The following GALNT13 variants were observed in gnomAD, a reference collection of about 807,000 sequenced individuals.
GALNT13 encodes UDP-GalNAc:polypeptide N-acetylgalactosaminyltransferase 13.
GALNT13 carries 28 observed loss-of-function variants against 64.2 expected under a neutral mutation model. That is an observed-to-expected ratio of 0.44 (90% confidence interval 0.32 to 0.60). The LOEUF (loss-of-function observed/expected upper bound fraction) is 0.60. Among genes scored for constraint, GALNT13 ranks in the 20% least tolerant of loss-of-function variants. GALNT13 has a pLI of 0.05. For synonymous variants in GALNT13, 214 were observed against 224.6 expected, an observed-to-expected ratio of 0.95 and a Z score of 0.42; for missense variants, 577 against 669.8, an observed-to-expected ratio of 0.86 and a Z score of 1.53.
chr2:154,147,901 AT>A (rs1430279226), intron 4 of GALNT13, among the ~76,000 whole-genome samples: 1 of 139,156 alleles, frequency 7.2e-6, no homozygotes, highest in African/African-American at 2.7e-5. Flanking sequence ...TTTTGCTGGG[AT>A]TTTGCTTTTA....
At chr2:153,317,200 C>T in the GALNT13 span, among the ~76,000 whole-genome samples, 11,212 of 152,048 alleles carry the variant, frequency 0.074, 475 homozygotes, top group African/African-American at 0.12. Context: ...CTTTTGAGCT[C>T]CTATAGTTTT....
the GALNT13 span, among the ~76,000 whole-genome samples, chr2:153,824,565 G>C: frequency 5.3e-5 from 8 of 152,204 alleles, no homozygotes; most frequent in East Asian, 1.2e-3. Context: ...CTGGTGGATC[G>C]ATAGAGTAAA....
chr2:153,438,414 A>T, the GALNT13 span, among the ~76,000 whole-genome samples: 1 of 152,226 alleles, frequency 6.6e-6, no homozygotes, highest in Admixed American at 6.5e-5. Flanking sequence ...AATATCCTGC[A>T]GAGTGTTTTC....
chr2:154,226,846 CAG>C (rs1688643526), intron 4 of GALNT13, among the ~76,000 whole-genome samples: 2 of 152,052 alleles, frequency 1.3e-5, no homozygotes, highest in Admixed American at 1.3e-4. Context: ...TATTCAATTT[CAG>C]AGTATTATTA....
chr2:153,392,250 T>A, the GALNT13 span, among the ~76,000 whole-genome samples: 1 of 151,740 alleles, frequency 6.6e-6, no homozygotes, highest in South Asian at 2.1e-4. Flanking sequence ...CATTTCTTCC[T>A]TAAGTTTTTT....
chr2:154,094,854 A>C (rs921393395), intron 3 of GALNT13, among the ~76,000 whole-genome samples: 1 of 151,882 alleles, frequency 6.6e-6, no homozygotes, highest in African/African-American at 2.4e-5. Context: ...TAAAGTCCTA[A>C]TTCATGTGTT....
the GALNT13 span, among the ~76,000 whole-genome samples, chr2:153,408,514 T>G: frequency 6.6e-6 from 1 of 152,192 alleles, no homozygotes; most frequent in Admixed American, 6.5e-5. Flanking sequence ...AAAGACTTTC[T>G]TACTTTGGCA....
the GALNT13 span, among the ~76,000 whole-genome samples, chr2:153,546,017 C>T: frequency 2.0e-5 from 3 of 152,260 alleles, no homozygotes; most frequent in African/African-American, 7.2e-5. Flanking sequence ...TCCAAGCTGA[C>T]CTTGGAAGAT....
At chr2:153,929,640 G>T (rs1690373152) in intron 2 of GALNT13, among the ~76,000 whole-genome samples, 1 of 151,996 alleles carries the variant, frequency 6.6e-6, no homozygotes, top group African/African-American at 2.4e-5. Flanking sequence ...TAGGACAATG[G>T]CCTCCAGCTC....
the GALNT13 span, among the ~76,000 whole-genome samples, chr2:153,556,069 T>C: frequency 6.6e-6 from 1 of 152,248 alleles, no homozygotes; most frequent in Admixed American, 6.5e-5. Context: ...ATAACTTTTT[T>C]CAGTCAAGTG....
the GALNT13 span, chr2:153,762,332 CAAT>C: frequency 2.0e-5 from 3 of 152,194 alleles, no homozygotes; most frequent in Non-Finnish European, 4.4e-5. Flanking sequence ...TGATGCACAA[CAAT>C]GTTACTCCTC....
intron 8 of GALNT13, among the ~76,000 whole-genome samples, chr2:154,299,754 C>T (rs558955079): frequency 4.6e-5 from 7 of 152,074 alleles, no homozygotes; most frequent in South Asian, 2.1e-4. Flanking sequence ...TGAGCCACCG[C>T]GCCCGGCCTG....
intron 3 of GALNT13, among the ~76,000 whole-genome samples, chr2:154,010,395 T>C (rs536183800): frequency 1.9e-3 from 295 of 152,368 alleles, no homozygotes; most frequent in Middle Eastern, 3.4e-3. Context: ...ATCACATTTA[T>C]TAATTTGCCT....
the GALNT13 span, among the ~76,000 whole-genome samples, chr2:153,386,525 G>A: frequency 6.6e-6 from 1 of 152,044 alleles, no homozygotes; most frequent in Non-Finnish European, 1.5e-5. Flanking sequence ...CCTGGCCATT[G>A]TGGCTTTGTG....
chr2:153,475,732 A>G, the GALNT13 span, among the ~76,000 whole-genome samples: 33 of 152,142 alleles, frequency 2.2e-4, no homozygotes, highest in South Asian at 4.1e-4. Flanking sequence ...TTTTATCCCA[A>G]ATCGAATTCT....
intron 3 of GALNT13, among the ~76,000 whole-genome samples, chr2:154,105,826 G>A (rs971844088): frequency 3.3e-5 from 5 of 152,136 alleles, no homozygotes; most frequent in Non-Finnish European, 7.4e-5. Flanking sequence ...GCAGTGAAGA[G>A]ACTAAATTTT....
the GALNT13 span, among the ~76,000 whole-genome samples, chr2:153,639,565 G>A: frequency 1.3e-5 from 2 of 152,110 alleles, no homozygotes; most frequent in African/African-American, 2.4e-5. Flanking sequence ...GTGAGAGAAC[G>A]TGACTGTGAC....
chr2:153,860,708 G>A, the GALNT13 span, among the ~76,000 whole-genome samples: 5 of 151,984 alleles, frequency 3.3e-5, no homozygotes, highest in Non-Finnish European at 5.9e-5. Context: ...GCTATTTATC[G>A]GGCTCTCACT....
rs546601309 is a variant in GALNT13 at position 154,237,816 on chromosome 2, T to A, written c.312-4214T>A. On this transcript the variant is annotated intron_variant, in intron 4 of 12. Transcript: ENST00000392825. ...ATTGAGTTTAATTGTCATTCACTAT[T>A]TTTTCAAAAATATTACATTATTGTT... 8.6e-5 allele frequency among the ~76,000 whole-genome samples: 13 copies of A among 151,918 alleles called. No homozygotes were observed. In the South Asian group the frequency reaches 2.5e-3, roughly 29 times the overall value.
Sources: gnomAD v4.1 joint callset for allele counts (sites outside exome capture counted in the v4.1 genomes callset) on GRCh38, gnomAD v4.1.1 for gene constraint, MANE v1.5 for transcripts, NCBI Gene and HGNC (gene_info 2026-07-23, HGNC 2026-07-21) for gene names.